CACNA1E: variants seen among roughly 807,000 people sequenced by gnomAD.
CACNA1E encodes voltage-dependent R-type calcium channel subunit alpha-1E.
CACNA1E carries 40 observed loss-of-function variants against 259.2 expected under a neutral mutation model. The ratio of observed to expected loss-of-function variants is 0.15; its 90% confidence interval spans 0.12 to 0.20. The LOEUF is 0.20. Ranked by LOEUF, CACNA1E falls within the 10% of genes least tolerant of loss-of-function variation. CACNA1E has a pLI of 1.00. For missense variants in CACNA1E, 1,874 were observed against 3,040.1 expected, an observed-to-expected ratio of 0.62 and a Z score of 9.02; for synonymous variants, 1,104 against 1,138.5, an observed-to-expected ratio of 0.97 and a Z score of 0.61.
chr1:181,762,273 TTAAAAA>T (rs1334945601), intron 32 of CACNA1E, among the ~76,000 whole-genome samples: 1 of 152,340 alleles, frequency 6.6e-6, no homozygotes, highest in South Asian at 2.1e-4. Flanking sequence ...TAAATATTTG[TTAAAAA>T]TAAAAATTGA....
intron 38 of CACNA1E, among the ~76,000 whole-genome samples, chr1:181,781,144 C>G (rs1660392608): frequency 6.6e-6 from 1 of 152,136 alleles, no homozygotes. Context: ...AAGGTTGCCA[C>G]CAGTTTTCCC....
At chr1:181,517,722 T>A (rs975443561) in intron 3 of CACNA1E, among the ~76,000 whole-genome samples, 1 of 152,074 alleles carries the variant, frequency 6.6e-6, no homozygotes, top group Non-Finnish European at 1.5e-5. Context: ...GCAGAACGAT[T>A]TAGCCTGAAG....
intron 2 of CACNA1E, among the ~76,000 whole-genome samples, chr1:181,427,156 AC>A (rs1659342771): frequency 6.6e-6 from 1 of 150,592 alleles, no homozygotes. Context: ...CAACATCTCA[AC>A]CACACTCATC....
rs111424307 is a variant in CACNA1E at position 181,722,764 on chromosome 1, C to T, written c.2074+889C>T. Reference sequence around the variant, plus strand: ...AGAACAGAAAGGCAGAACCATGGGACGCAGGTGTATTTTTGCATTTTCCAT... The same window carrying T: ...AGAACAGAAAGGCAGAACCATGGGATGCAGGTGTATTTTTGCATTTTCCAT... On this transcript the variant is annotated intron_variant, in intron 16 of 47. Coordinates refer to ENST00000367573, the MANE Select transcript of CACNA1E (RefSeq NM_001205293.3). 3.9e-3 allele frequency among the ~76,000 whole-genome samples: 590 copies of T among 152,200 alleles called. 6 individuals carry two copies. Among genetic ancestry groups the T allele is most frequent in the African/African-American group, 0.013 (560 of 41,508 alleles).
At chr1:181,620,102 T>C (rs1357652082) in intron 6 of CACNA1E, among the ~76,000 whole-genome samples, 1 of 152,184 alleles carries the variant, frequency 6.6e-6, no homozygotes, top group Non-Finnish European at 1.5e-5. Flanking sequence ...ATGAGTTTTA[T>C]TAGTATATGG....
chr1:181,625,744 G>T (rs1336249805), intron 6 of CACNA1E, among the ~76,000 whole-genome samples: 2 of 152,188 alleles, frequency 1.3e-5, no homozygotes, highest in Admixed American at 1.3e-4. Context: ...GTTCACTGGA[G>T]TTGCACTTTT....
rs1651465441 is a variant in CACNA1E at position 181,333,713 on chromosome 1, T to C, written c.-15+15590T>C. 3.3e-5 allele frequency among the ~76,000 whole-genome samples: 5 copies of C among 152,110 alleles called. No homozygotes were observed. The South Asian group carries it at 1.0e-3, about 32-fold the overall frequency. On this transcript the variant is annotated intron_variant, in intron 1 of 11. Transcript: ENST00000524607. ...CTCTGTCACCCAGGTTGGAGTGCAA[T>C]GGCACAATCTCGGCTTGCTGCAACC...
At chr1:181,766,236 A>G (rs1484245273) in intron 34 of CACNA1E, among the ~76,000 whole-genome samples, 1 of 152,220 alleles carries the variant, frequency 6.6e-6, no homozygotes, top group Non-Finnish European at 1.5e-5. Context: ...GGCAAGTGGG[A>G]TGAACCCCAA....
At chr1:181,568,700 T>A (rs929957979) in intron 3 of CACNA1E, among the ~76,000 whole-genome samples, 1 of 152,062 alleles carries the variant, frequency 6.6e-6, no homozygotes, top group Non-Finnish European at 1.5e-5. Context: ...GGGTTGTGAT[T>A]CTCCCACCTC....
At chr1:181,585,117 A>G (rs148828616) in intron 6 of CACNA1E, among the ~76,000 whole-genome samples, 158 of 152,132 alleles carry the variant, frequency 1.0e-3, no homozygotes, top group African/African-American at 3.7e-3. Flanking sequence ...GGATACTAGT[A>G]TCTGTTCATC....
chr1:181,781,324 C>A lies in CACNA1E; in HGVS notation c.5268-103C>A, dbSNP rs1394538347. On this transcript the variant is annotated intron_variant, in intron 38 of 47. Transcript: ENST00000367573. ...GCTCTCTGGGAATGCCTATTCTCCT[C>A]TCCTATCTGTCTGCATCCTTCTCCC... The A allele has an allele frequency of 1.0e-5, 7 of 683,752 alleles. No homozygotes were observed. In the African/African-American group the frequency reaches 1.2e-4, roughly 12 times the overall value. 42.4% of individuals were successfully genotyped at this position (683,752 alleles called of 1,614,324 possible).
intron 6 of CACNA1E, among the ~76,000 whole-genome samples, chr1:181,649,603 T>C (rs537551134): frequency 6.6e-6 from 1 of 152,290 alleles, no homozygotes; most frequent in East Asian, 1.9e-4. Context: ...GGAATCAACC[T>C]AAATGCCCAT....
At position 181,775,158 on chromosome 1, in the gene CACNA1E, T is replaced by A. The variant is rs1051035700; in HGVS notation, c.5140-943T>A. Among the ~76,000 whole-genome samples, 11 of 152,298 alleles carry A rather than the reference T, an allele frequency of 7.2e-5. No individual in the cohort carries two copies. In the East Asian group the frequency reaches 7.7e-4, roughly 11 times the overall value. ...TTTGCCCAGAAGATTCAATACCATT[T>A]TATTGGTTTTGATGGGATCACCAAC... On this transcript the variant is annotated intron_variant, in intron 37 of 47. Coordinates refer to ENST00000367573, the MANE Select transcript of CACNA1E (RefSeq NM_001205293.3).
Position 181,798,503 on chromosome 1 carries a change from A to G in CACNA1E, c.6611A>G (p.Asn2204Ser), listed in dbSNP as rs923912118. ...PLTSQALESNNACLTESSNSP... is the reference protein window; with the variant it reads ...PLTSQALESNSACLTESSNSP... ...ACCTCCCAAGCTCTGGAGAGCAACA[A>G]TGCTTGCCTGACCGAGTCTTCCAAC... is the stretch of plus-strand genomic sequence containing the variant. Residue 2204 changes from asparagine to serine, a missense_variant, in exon 48 of 48, where the codon AAT becomes AGT. Asn to Ser is a conservative substitution (Grantham distance 46, BLOSUM62 1). Around this residue, in one of 14 missense-constraint regions of CACNA1E, gnomAD observed 542 missense variants for 587.2 expected, o/e 0.92. Transcript: ENST00000367573. This position sits in a 1 kb window ranked among gnomAD's most constrained non-coding sequence, Gnocchi z 4.2. The G allele has an allele frequency of 2.2e-5, 36 of 1,613,734 alleles. No individual in the cohort carries two copies. Among genetic ancestry groups the G allele is most frequent in the Non-Finnish European group, 2.8e-5 (33 of 1,179,890 alleles).
intron 2 of CACNA1E, among the ~76,000 whole-genome samples, chr1:181,422,097 T>G (rs1283418088): frequency 2.6e-5 from 4 of 152,204 alleles, no homozygotes; most frequent in Non-Finnish European, 5.9e-5. Context: ...ACAGGGTTGG[T>G]TCATTCTTGC....
intron 28 of CACNA1E, 53 bp from the exon 29 acceptor site, chr1:181,755,903 T>C: frequency 6.4e-7 from 1 of 1,574,322 alleles, no homozygotes; most frequent in Non-Finnish European, 8.7e-7. Context: ...CTGACTCTTC[T>C]GTAGAATGAG....
chr1:181,608,553 C>T (rs1654447713), intron 6 of CACNA1E, among the ~76,000 whole-genome samples: 1 of 151,974 alleles, frequency 6.6e-6, no homozygotes, highest in African/African-American at 2.4e-5. Context: ...CAAGGAATGA[C>T]CAGAACACTG....
At chr1:181,319,547 T>C (rs913315299) in intron 1 of CACNA1E, among the ~76,000 whole-genome samples, 41 of 152,350 alleles carry the variant, frequency 2.7e-4, no homozygotes, top group African/African-American at 9.6e-4. Flanking sequence ...TTGATTCCAT[T>C]CTACTGTTCT....
rs534167641 is a variant in CACNA1E, at chr1:181,632,421, G to T, written c.952-18917G>T. Among the ~76,000 whole-genome samples, 102 of 152,326 alleles carry T rather than the reference G, an allele frequency of 6.7e-4. 1 individual carries two copies. Among genetic ancestry groups the T allele is most frequent in the African/African-American group, 2.3e-3 (95 of 41,572 alleles). On this transcript the variant is annotated intron_variant, in intron 6 of 47. Coordinates refer to ENST00000367573, the MANE Select transcript of CACNA1E (RefSeq NM_001205293.3). ...AAGGCATGGGGTGGGAGCAGGTGTT[G>T]AAAGGAGCCTGCTGCTGGGGATTGG...
Sources: gnomAD v4.1 joint callset for allele counts (sites outside exome capture counted in the v4.1 genomes callset) on GRCh38, gnomAD v4.1.1 for gene constraint, gnomAD v4.1.1 regional missense constraint, Gnocchi (gnomAD v3.1) non-coding constraint, MANE v1.5 for transcripts, NCBI Gene and HGNC (gene_info 2026-07-23, HGNC 2026-07-21) for gene names.